GSDMC: variants seen among roughly 807,000 people sequenced by gnomAD.
GSDMC encodes gasdermin-C.
Under a neutral mutation model 58.0 loss-of-function variants are expected in GSDMC, and 59 were observed. That is an observed-to-expected ratio of 1.02 (90% CI 0.82 to 1.26). GSDMC has a LOEUF of 1.26. GSDMC is among the 50% of genes most tolerant of loss of function. The pLI is 0.00. For synonymous variants in GSDMC, 241 were observed against 220.2 expected (o/e 1.09, Z -0.83); for missense variants, 659 against 598.5 (o/e 1.10, Z -1.06).
the GSDMC span, among the ~76,000 whole-genome samples, chr8:129,729,482 C>A: frequency 6.6e-6 from 1 of 151,950 alleles, no homozygotes; most frequent in South Asian, 2.1e-4. Context: ...CACAACAGGC[C>A]CCAGTGTGTG....
chr8:129,753,796 C>T (rs571706540), intron 6 of GSDMC, among the ~76,000 whole-genome samples: 1 of 152,210 alleles, frequency 6.6e-6, no homozygotes, highest in African/African-American at 2.4e-5. Flanking sequence ...CCAGGCCAGA[C>T]ACCATTTACC....
chr8:129,717,710 A>G, the GSDMC span, among the ~76,000 whole-genome samples: 1 of 152,114 alleles, frequency 6.6e-6, no homozygotes, highest in South Asian at 2.1e-4. Flanking sequence ...ACCATATAGA[A>G]AAAACAATCC....
intron 3 of GSDMC, among the ~76,000 whole-genome samples, chr8:129,771,466 A>C (rs922958409): frequency 6.6e-6 from 1 of 152,252 alleles, no homozygotes; most frequent in African/African-American, 2.4e-5. Flanking sequence ...AATTATTTCA[A>C]GTATCTTTTC....
the GSDMC span, among the ~76,000 whole-genome samples, chr8:129,731,107 T>G: frequency 6.6e-6 from 1 of 152,266 alleles, no homozygotes; most frequent in Non-Finnish European, 1.5e-5. Flanking sequence ...ACCATTAACT[T>G]GAACAGGGAT....
chr8:129,752,229 C>G, intron 7 of GSDMC, 82 bp from the exon 8 acceptor site: 5 of 1,075,962 alleles, frequency 4.6e-6, no homozygotes, highest in Non-Finnish European at 7.1e-6. Flanking sequence ...CCCTCTTGGT[C>G]TCACCTCTAA....
the GSDMC span, among the ~76,000 whole-genome samples, chr8:129,737,968 A>T: frequency 1.3e-5 from 2 of 152,234 alleles, no homozygotes; most frequent in African/African-American, 4.8e-5. Context: ...ATTTACAAGA[A>T]AAAAACAAAC....
rs1201432668 is a variant in GSDMC, at chr8:129,750,434, G to C, written c.1080C>G (p.Asn360Lys). 1.2e-6 allele frequency: 2 copies of C among 1,613,206 alleles called. No individual in the cohort carries two copies. The highest frequency in any genetic ancestry group is 1.7e-6 in the Non-Finnish European group (2 of 1,179,664). Residue 360 changes from asparagine (N) to lysine (K), a missense_variant, in exon 11 of 14, where the codon AAC (asparagine) becomes AAG (lysine). Asn to Lys is a moderately conservative substitution (Grantham distance 94, BLOSUM62 0). Transcript: ENST00000276708. Reference sequence around the variant, plus strand: ...ATGCAACTGTGGAGCCCCTCACCATGTTCATCAGGTCCTGTAGAGCCCCTC... The same window carrying C: ...ATGCAACTGTGGAGCCCCTCACCATCTTCATCAGGTCCTGTAGAGCCCCTC... Reference protein sequence around the residue: ...RDRGALQDLMNMLELDSSGHL... With the variant: ...RDRGALQDLMKMLELDSSGHL...
intron 10 of GSDMC, among the ~76,000 whole-genome samples, chr8:129,751,192 T>C (rs1339631314): frequency 6.6e-6 from 1 of 152,172 alleles, no homozygotes; most frequent in African/African-American, 2.4e-5. Context: ...ATTTTGCCAG[T>C]ATCCTCAATG....
At chr8:129,731,736 A>C in the GSDMC span, among the ~76,000 whole-genome samples, 1 of 152,182 alleles carries the variant, frequency 6.6e-6, no homozygotes, top group African/African-American at 2.4e-5. Flanking sequence ...TGTCAATCTC[A>C]TGTAAAAACA....
At chr8:129,725,169 A>G in the GSDMC span, among the ~76,000 whole-genome samples, 1 of 152,194 alleles carries the variant, frequency 6.6e-6, no homozygotes, top group Non-Finnish European at 1.5e-5. Context: ...CAAGTATCTT[A>G]TTAGACTATC....
At chr8:129,777,614 C>T in intron 1 of GSDMC, 23 bp from the exon 2 acceptor site, 1 of 1,268,200 alleles carries the variant, frequency 7.9e-7, no homozygotes, top group Middle Eastern at 1.9e-4. Flanking sequence ...GAAAGGAGAG[C>T]ATCAGTTGGG....
chr8:129,769,662 T>C (rs911752080), intron 3 of GSDMC, among the ~76,000 whole-genome samples: 1 of 151,226 alleles, frequency 6.6e-6, no homozygotes, highest in Non-Finnish European at 1.5e-5. Context: ...AATCCATTCA[T>C]GAGGGCAGAG....
intron 11 of GSDMC, 39 bp downstream of exon 11, chr8:129,750,392 C>T (rs1375559602): frequency 2.5e-6 from 4 of 1,588,512 alleles, no homozygotes; most frequent in African/African-American, 2.7e-5. Flanking sequence ...ATCCCATTTA[C>T]AGCTTTTACC....
chr8:129,750,254 TCAG>T (rs200487719), intron 11 of GSDMC, 135 bp from the exon 12 acceptor site: 30,456 of 1,016,630 alleles, frequency 0.03, 622 homozygotes, highest in Middle Eastern at 0.1. Context: ...CCAAGCAGCC[TCAG>T]TAGTGGGGGC....
At chr8:129,781,473 G>T (rs998917693) in intron 1 of GSDMC, among the ~76,000 whole-genome samples, 1 of 152,170 alleles carries the variant, frequency 6.6e-6, no homozygotes. Flanking sequence ...GGCGAGACGC[G>T]ATGGCTCACG....
intron 3 of GSDMC, among the ~76,000 whole-genome samples, chr8:129,768,055 A>G (rs546755540): frequency 6.6e-6 from 1 of 152,252 alleles, no homozygotes; most frequent in South Asian, 2.1e-4. Context: ...CCCAGCCAAC[A>G]GCTCATCCTG....
At chr8:129,718,883 G>C in the GSDMC span, among the ~76,000 whole-genome samples, 1 of 152,196 alleles carries the variant, frequency 6.6e-6, no homozygotes, top group African/African-American at 2.4e-5. Flanking sequence ...GTCCTTTGCA[G>C]GGACATGGGT....
chr8:129,768,692 A>G (rs540429557), intron 3 of GSDMC, among the ~76,000 whole-genome samples: 73 of 152,288 alleles, frequency 4.8e-4, no homozygotes, highest in African/African-American at 1.7e-3. Context: ...GAGTGAAAAG[A>G]GATATATGGC....
At chr8:129,767,935 T>A (rs530557555) in intron 3 of GSDMC, among the ~76,000 whole-genome samples, 25 of 152,096 alleles carry the variant, frequency 1.6e-4, no homozygotes, top group African/African-American at 5.8e-4. Flanking sequence ...CAACAACATC[T>A]GACAAGAGGT....
Sources: allele counts gnomAD v4.1 joint callset (sites outside exome capture counted in the v4.1 genomes callset), GRCh38; gene constraint gnomAD v4.1.1; transcripts MANE v1.5; gene names NCBI Gene and HGNC (gene_info 2026-07-23, HGNC 2026-07-21).